The following PCID2 variants were observed in gnomAD, a reference collection of about 807,000 sequenced individuals.
PCID2 encodes PCI domain containing 2.
In PCID2, 41 loss-of-function variants were observed where a neutral mutation model predicts 61.3. That is an observed-to-expected ratio of 0.67 (90% CI 0.52 to 0.87). The LOEUF (loss-of-function observed/expected upper bound fraction) is 0.87, where lower values mean the gene tolerates loss of function less well. Ranked by LOEUF, PCID2 falls within the 40% of genes least tolerant of loss-of-function variation. The pLI is 0.00. For missense variants in PCID2, 392 were observed against 493.4 expected (o/e 0.79, Z 1.95); for synonymous variants, 187 against 177.8 (o/e 1.05, Z -0.41).
Position 113,207,998 on chromosome 13 carries a change from C to CT in PCID2, c.36+600dup, listed in dbSNP as rs781204921. ...GCGTTGAATCTTTACAAGTGTCCATCTTTTAACTGTGCTTCTGCTACTTAC... is the reference window on the plus strand; with the variant it reads ...GCGTTGAATCTTTACAAGTGTCCATCTTTTTAACTGTGCTTCTGCTACTTAC... On this transcript the variant is annotated intron_variant, in intron 1 of 13. Coordinates refer to ENST00000337344, the MANE Select transcript of PCID2 (RefSeq NM_001127202.4). The CT allele has an allele frequency of 2.5e-6, 4 of 1,601,578 alleles. No homozygotes were observed. In the South Asian group the frequency reaches 4.4e-5, roughly 18 times the overall value.
intron 6 of PCID2, among the ~76,000 whole-genome samples, chr13:113,192,916 G>A (rs1172441510): frequency 6.6e-6 from 1 of 152,118 alleles, no homozygotes; most frequent in East Asian, 1.9e-4. Flanking sequence ...GTCATGAATG[G>A]GAAAGAGAGA....
At chr13:113,173,014 G>A (rs890118531), downstream of PCID2, among the ~76,000 whole-genome samples, 3 of 152,138 alleles carry the variant, frequency 2.0e-5, no homozygotes, top group Non-Finnish European at 4.4e-5. Flanking sequence ...ACTAGGCCAT[G>A]AGGGCTCTGC....
chr13:113,185,425 G>T, intron 8 of PCID2, 60 bp downstream of exon 8: 3 of 1,134,258 alleles, frequency 2.6e-6, no homozygotes, highest in South Asian at 1.2e-5. Flanking sequence ...TATATGATAT[G>T]TGGGAAGCCC....
chr13:113,192,158 TGAG>T (rs2038673055), intron 6 of PCID2, among the ~76,000 whole-genome samples: 1 of 152,184 alleles, frequency 6.6e-6, no homozygotes, highest in Non-Finnish European at 1.5e-5. Flanking sequence ...CTCAGGAGGC[TGAG>T]GTGGGAGGCT....
chr13:113,194,253 C>T (rs574755735), intron 6 of PCID2, among the ~76,000 whole-genome samples: 4 of 152,284 alleles, frequency 2.6e-5, no homozygotes, highest in South Asian at 2.1e-4. Context: ...GAGGCAGTGA[C>T]GGTCAGAGTT....
chr13:113,171,135 G>A, the PCID2 span, among the ~76,000 whole-genome samples: 1 of 152,172 alleles, frequency 6.6e-6, no homozygotes, highest in Non-Finnish European at 1.5e-5. This position sits in a 1 kb window ranked among gnomAD's most constrained non-coding sequence, Gnocchi z 5.1. Context: ...TGTTGGAAAA[G>A]CTGGTCTTTA....
Position 113,197,178 on chromosome 13 carries a change from T to C in PCID2, c.266A>G (p.Gln89Arg). ...EAYKCQTVIV[Q>R]SFLRAFQAHK... ...AGCTGCCATGAACGACAAAGGATAT[T>C]GGACTATCACGGTCTGGCACTTGTA... The change falls in exon 4 of 14, where the codon CAA (glutamine) becomes CGA (arginine). Residue 89 changes from glutamine (Q) to arginine (R), a missense_variant and splice_region_variant. By Grantham distance (43) the Gln-to-Arg change is conservative. This residue lies in a region of PCID2 where 155 missense variants were observed against 164.9 expected (regional missense o/e 0.94). Coordinates refer to ENST00000337344, the MANE Select transcript of PCID2 (RefSeq NM_001127202.4). The C allele has an allele frequency of 6.2e-7, 1 of 1,614,202 alleles. No homozygotes were observed. Among genetic ancestry groups the C allele is most frequent in the Non-Finnish European group, 8.5e-7 (1 of 1,180,020 alleles).
chr13:113,174,768 G>A (rs1279212461), downstream of PCID2, among the ~76,000 whole-genome samples: 1 of 152,208 alleles, frequency 6.6e-6, no homozygotes, highest in Non-Finnish European at 1.5e-5. Flanking sequence ...ATAAATGTGA[G>A]CCACCACGTC....
chr13:113,171,974 A>G, the PCID2 span: 1 of 1,613,476 alleles, frequency 6.2e-7, no homozygotes, highest in Non-Finnish European at 8.5e-7. The surrounding 1 kb of genome is among the most constrained non-coding windows in gnomAD (Gnocchi z 5.1). Flanking sequence ...AAGTGTGGTC[A>G]CCAGAGAACA....
downstream of PCID2, among the ~76,000 whole-genome samples, chr13:113,174,460 G>C (rs970170537): frequency 6.6e-6 from 1 of 152,136 alleles, no homozygotes; most frequent in Non-Finnish European, 1.5e-5. Context: ...TAACAAAACA[G>C]TAAAACTCAA....
At chr13:113,183,977 C>A in intron 9 of PCID2, 1 of 985,312 alleles carries the variant, frequency 1.0e-6, no homozygotes, top group African/African-American at 1.7e-5. Context: ...AAGTCAGTCG[C>A]TGAACTAAAT....
chr13:113,172,372 G>T, the PCID2 span: 1 of 482,764 alleles, frequency 2.1e-6, no homozygotes, highest in Non-Finnish European at 3.8e-6. Context: ...AAGATAATCT[G>T]TCAGTCATAA....
intron 3 of PCID2, among the ~76,000 whole-genome samples, chr13:113,197,917 C>A (rs956868967): frequency 6.6e-6 from 1 of 152,176 alleles, no homozygotes; most frequent in African/African-American, 2.4e-5. Context: ...CATATTTCCA[C>A]GAAAAGGGTA....
chr13:113,192,380 G>A (rs2038692257), intron 6 of PCID2, among the ~76,000 whole-genome samples: 1 of 152,312 alleles, frequency 6.6e-6, no homozygotes, highest in East Asian at 1.9e-4. Context: ...TGTTGCACAC[G>A]GGTGTCTCAT....
At chr13:113,175,143 TGA>T (rs1352053775), downstream of PCID2, among the ~76,000 whole-genome samples, 1 of 152,198 alleles carries the variant, frequency 6.6e-6, no homozygotes, top group African/African-American at 2.4e-5. Flanking sequence ...TGTGGAACTG[TGA>T]GTCCATTAAA....
At position 113,178,116 on chromosome 13, in the gene PCID2, T is replaced by C. The variant is rs2037272388; in HGVS notation, c.*82A>G. The C allele has an allele frequency of 9.7e-6, 9 of 928,292 alleles. No homozygotes were observed. Among genetic ancestry groups the C allele is most frequent in the South Asian group, 3.1e-5 (2 of 63,998 alleles). The allele number at this position is 928,292 out of a possible 1,614,324, so 57.5% of individuals were successfully genotyped here. A position where few individuals can be genotyped will look rare whatever the true frequency, so the allele number is the denominator to read the frequency against. On this transcript the variant is annotated 3_prime_UTR_variant, in exon 14 of 14. Coordinates refer to ENST00000337344, the MANE Select transcript of PCID2 (RefSeq NM_001127202.4). Reference sequence around the variant, plus strand: ...AGAGTTCCGGCTTCAGGGAGCCTTGTTGCAGTACCGGACCGGTCTCATCAG... The same window carrying C: ...AGAGTTCCGGCTTCAGGGAGCCTTGCTGCAGTACCGGACCGGTCTCATCAG...
At chr13:113,176,030 G>A (rs549955306), downstream of PCID2, among the ~76,000 whole-genome samples, 14 of 152,348 alleles carry the variant, frequency 9.2e-5, no homozygotes, top group South Asian at 4.1e-4. Context: ...CGCCCAGCCC[G>A]GAAGAAACTG....
chr13:113,189,291 A>T (rs1566957768), intron 7 of PCID2, among the ~76,000 whole-genome samples: 1 of 152,134 alleles, frequency 6.6e-6, no homozygotes, highest in Non-Finnish European at 1.5e-5. Flanking sequence ...TGTGAGCCAA[A>T]TAAACCTCTT....
downstream of PCID2, among the ~76,000 whole-genome samples, chr13:113,173,966 C>T (rs183118693): frequency 1.4e-4 from 22 of 152,184 alleles, 1 homozygote; most frequent in African/African-American, 4.6e-4. Context: ...CAGTAGCTCA[C>T]GCCCGTAATC....
Sources: allele counts gnomAD v4.1 joint callset (sites outside exome capture counted in the v4.1 genomes callset), GRCh38; gene constraint gnomAD v4.1.1; regional missense constraint gnomAD v4.1.1; non-coding constraint Gnocchi (gnomAD v3.1); transcripts MANE v1.5; gene names NCBI Gene and HGNC (gene_info 2026-07-23, HGNC 2026-07-21).